HRH2: variants seen among roughly 807,000 people sequenced by gnomAD.
HRH2 encodes histamine receptor H2, also known as histamine H2 receptor.
HRH2 carries 4 observed loss-of-function variants against 20.1 expected under a neutral mutation model. That is an observed-to-expected ratio of 0.20 (90% CI 0.10 to 0.45). HRH2 has a LOEUF of 0.45. Ranked by LOEUF, HRH2 falls within the 20% of genes least tolerant of loss-of-function variation. The probability of loss-of-function intolerance (pLI) is 0.99; values close to 1 mark genes in which losing one functional copy is unlikely to be tolerated. For missense variants in HRH2, 250 were observed against 461.6 expected (o/e 0.54, Z 4.20); for synonymous variants, 197 against 200.7 (o/e 0.98, Z 0.16).
rs559612867 is a variant in HRH2, at chr5:175,664,908, G to A, written c.-526+6753G>A. Among the ~76,000 whole-genome samples, 22 of 152,318 alleles carry A rather than the reference G, an allele frequency of 1.4e-4. No individual in the cohort carries two copies. The South Asian group carries it at 4.6e-3, about 32-fold the overall frequency. ...TTGCCGTGGCCTCTCAACGTGCTGG[G>A]ATTACAGGCGTGAGCCACCGCACAC... On this transcript the variant is annotated intron_variant, in intron 1 of 2. Coordinates refer to ENST00000636584, the MANE Select transcript of HRH2 (RefSeq NM_001367711.1).
At chr5:175,669,691 C>T (rs1403846536) in intron 1 of HRH2, among the ~76,000 whole-genome samples, 3 of 152,176 alleles carry the variant, frequency 2.0e-5, no homozygotes, top group African/African-American at 4.8e-5. Context: ...TTCTAACTGA[C>T]GAGCACATGG....
intron 2 of HRH2, among the ~76,000 whole-genome samples, chr5:175,695,210 G>A (rs1239681066): frequency 4.6e-5 from 7 of 151,952 alleles, no homozygotes; most frequent in Non-Finnish European, 8.8e-5. Context: ...GCTGACCATC[G>A]CCGCCCTGGT....
At chr5:175,678,304 A>C (rs1755829946) in intron 1 of HRH2, among the ~76,000 whole-genome samples, 1 of 152,220 alleles carries the variant, frequency 6.6e-6, no homozygotes, top group Non-Finnish European at 1.5e-5. Context: ...CTGACCATGC[A>C]GCTTTAGCCA....
In HRH2 at chr5:175,686,653, G is replaced by A. The variant is rs547291636; in HGVS notation, c.1076+2344G>A. On this transcript the variant is annotated intron_variant, in intron 2 of 2. Transcript: ENST00000636584. The surrounding 1 kb of genome is among the most constrained non-coding windows in gnomAD (Gnocchi z 4.7). Reference sequence around the variant, plus strand: ...GCGCATGGGCCCGGGAGCCCATCCCGGAGAGGAGACCTCTGAGCTTTTAAA... The same window carrying A: ...GCGCATGGGCCCGGGAGCCCATCCCAGAGAGGAGACCTCTGAGCTTTTAAA... 3.1e-4 allele frequency among the ~76,000 whole-genome samples: 47 copies of A among 152,304 alleles called. No individual in the cohort carries two copies. The highest frequency in any genetic ancestry group is 1.1e-3 in the African/African-American group (44 of 41,560).
chr5:175,676,816 G>C (rs1453309773), intron 1 of HRH2, among the ~76,000 whole-genome samples: 1 of 152,192 alleles, frequency 6.6e-6, no homozygotes, highest in African/African-American at 2.4e-5. Context: ...TGCTGAGTGA[G>C]AACGTGCAAT....
Position 175,693,519 on chromosome 5 carries a change from T to C in HRH2, c.1076+9210T>C, listed in dbSNP as rs1185071711. ...ACTCAGTCCCTCCTCACGTGAGGAC[T>C]GACCACATCCCTTTGTTACCCAGGG... On this transcript the variant is annotated intron_variant, in intron 2 of 2. Transcript: ENST00000636584. The surrounding 1 kb of genome is among the most constrained non-coding windows in gnomAD (Gnocchi z 4.4). Among the ~76,000 whole-genome samples, 10 of 152,240 alleles carry C rather than the reference T, an allele frequency of 6.6e-5. No homozygotes were observed. Among genetic ancestry groups the C allele is most frequent in the Admixed American group, 6.5e-4 (10 of 15,286 alleles).
intron 2 of HRH2, among the ~76,000 whole-genome samples, chr5:175,704,178 T>A (rs1403770315): frequency 6.6e-6 from 1 of 151,886 alleles, no homozygotes; most frequent in Non-Finnish European, 1.5e-5. Context: ...AAAATAAGTA[T>A]CAAAAAGGAA....
chr5:175,683,705 T>G lies in HRH2; in HGVS notation c.472T>G (p.Trp158Gly). 6.2e-7 allele frequency: 1 copy of G among 1,613,972 alleles called. No homozygotes were observed. The highest frequency in any genetic ancestry group is 8.5e-7 in the Non-Finnish European group (1 of 1,180,014). ...TLSFLSIHLG[W>G]NSRNETSKGN... ...GTCCTTTCTGTCTATCCACCTGGGGTGGAACAGCAGGAACGAGACCAGCAA... is the reference window on the plus strand; with the variant it reads ...GTCCTTTCTGTCTATCCACCTGGGGGGGAACAGCAGGAACGAGACCAGCAA... Residue 158 changes from tryptophan (W) to glycine (G), a missense_variant, in exon 2 of 3, where the codon TGG (tryptophan) becomes GGG (glycine). Coordinates refer to ENST00000636584, the MANE Select transcript of HRH2 (RefSeq NM_001367711.1).
At chr5:175,705,829 AT>A (rs1474806667) in intron 2 of HRH2, among the ~76,000 whole-genome samples, 1 of 151,992 alleles carries the variant, frequency 6.6e-6, no homozygotes, top group Non-Finnish European at 1.5e-5. Context: ...GGCCCGGCTA[AT>A]TTTTGTATTT....
chr5:175,696,882 G>A (rs1054371874), intron 2 of HRH2, among the ~76,000 whole-genome samples: 1 of 152,256 alleles, frequency 6.6e-6, no homozygotes, highest in Admixed American at 6.5e-5. Context: ...AAATGCTAGA[G>A]CCGGGCCGCA....
intron 1 of HRH2, among the ~76,000 whole-genome samples, chr5:175,662,289 A>G (rs2113468000): frequency 6.6e-6 from 1 of 152,288 alleles, no homozygotes; most frequent in South Asian, 2.1e-4. Context: ...TGCCCCTTGG[A>G]AGACATTTGT....
chr5:175,669,998 CCCCCT>C, intron 1 of HRH2, among the ~76,000 whole-genome samples: 1 of 152,320 alleles, frequency 6.6e-6, no homozygotes, highest in African/African-American at 2.4e-5. Flanking sequence ...CCAGGAGCAG[CCCCCT>C]CGGGGTGACA....
rs1389435256 is a variant in HRH2 at position 175,685,639 on chromosome 5, G to A, written c.1076+1330G>A. The A allele has an allele frequency of 4.5e-6, 3 of 665,808 alleles. No individual in the cohort carries two copies. In the African/African-American group the frequency reaches 5.4e-5, roughly 12 times the overall value. The allele number at this position is 665,808 out of a possible 1,614,324, so 41.2% of individuals were successfully genotyped here. On this transcript the variant is annotated intron_variant, in intron 2 of 2. Coordinates refer to ENST00000636584, the MANE Select transcript of HRH2 (RefSeq NM_001367711.1). ...TGCCGTCACTCAACTTGTATCTTGA[G>A]CAAGTTCCTCCCCATCTCAGGCCTC... is the stretch of plus-strand genomic sequence containing the variant.
In HRH2 at chr5:175,696,884, C is replaced by T. The variant is rs373261833; in HGVS notation, c.1077-10895C>T. On this transcript the variant is annotated intron_variant, in intron 2 of 2. Transcript: ENST00000636584. The stretch of plus-strand genomic sequence containing the variant: ...GTTAAGACATAGAAAATGCTAGAGC[C>T]GGGCCGCAGTGCAGCAGGAGCTCAG... 3.9e-4 allele frequency among the ~76,000 whole-genome samples: 60 copies of T among 152,334 alleles called. 2 individuals are homozygous for T. The highest frequency in any genetic ancestry group is 1.3e-3 in the African/African-American group (55 of 41,576).
intron 1 of HRH2, among the ~76,000 whole-genome samples, chr5:175,662,593 C>G (rs528587471): frequency 4.2e-4 from 64 of 152,146 alleles, no homozygotes; most frequent in Admixed American, 1.0e-3. Flanking sequence ...ACCTGGCCTC[C>G]CTGCTTCCCC....
intron 2 of HRH2, chr5:175,685,706 C>A: frequency 1.7e-6 from 1 of 592,672 alleles, no homozygotes; most frequent in South Asian, 2.1e-5. Flanking sequence ...CCTCACCGGG[C>A]TTCCTACTTG....
intron 1 of HRH2, among the ~76,000 whole-genome samples, chr5:175,669,895 C>T (rs1269149934): frequency 6.6e-6 from 1 of 152,224 alleles, no homozygotes; most frequent in African/African-American, 2.4e-5. Context: ...TAAAGGAATC[C>T]TGCCTTTACC....
At position 175,708,023 on chromosome 5, in the gene HRH2, C is replaced by G. The variant is rs1757000585; in HGVS notation, c.*52C>G. ...CGCTCCCGGTCCCCAAGATGTGACT[C>G]CTGGAGCTCCTAAGGACCCAGTCTC... On this transcript the variant is annotated 3_prime_UTR_variant, in exon 3 of 3. Transcript: ENST00000636584. 2.5e-6 allele frequency: 1 copy of G among 398,882 alleles called. No homozygotes were observed. 24.7% of individuals were successfully genotyped at this position (398,882 alleles called of 1,614,324 possible). A position where few individuals can be genotyped will look rare whatever the true frequency, so the allele number is the denominator to read the frequency against.
At chr5:175,697,833 C>T (rs986211991) in intron 2 of HRH2, among the ~76,000 whole-genome samples, 3 of 152,202 alleles carry the variant, frequency 2.0e-5, no homozygotes, top group African/African-American at 7.2e-5. Context: ...TGAGATAGGC[C>T]ATTCCCTGTT....
Sources: allele counts gnomAD v4.1 joint callset (sites outside exome capture counted in the v4.1 genomes callset), GRCh38; gene constraint gnomAD v4.1.1; non-coding constraint Gnocchi (gnomAD v3.1); transcripts MANE v1.5; gene names NCBI Gene and HGNC (gene_info 2026-07-23, HGNC 2026-07-21).